Variants in AKAP6 observed in about 807,000 individuals in gnomAD.
AKAP6 encodes A-kinase anchor protein 6.
AKAP6 carries 58 observed loss-of-function variants against 188.5 expected under a neutral mutation model. That is an observed-to-expected ratio of 0.31 (90% CI 0.25 to 0.38). The LOEUF is 0.38. Ranked by LOEUF, AKAP6 falls within the 10% of genes least tolerant of loss-of-function variation. The pLI is 1.00. For missense variants in AKAP6, 2,710 were observed against 2,740.0 expected (o/e 0.99, Z 0.24); for synonymous variants, 989 against 998.6 (o/e 0.99, Z 0.18).
At chr14:32,552,723 CA>C (rs1253289984) in intron 4 of AKAP6, among the ~76,000 whole-genome samples, 7 of 151,888 alleles carry the variant, frequency 4.6e-5, no homozygotes, top group African/African-American at 1.7e-4. Flanking sequence ...AAAGTAAAGT[CA>C]AAAGTCTTTT....
chr14:32,716,975 A>G (rs1342087728), intron 9 of AKAP6, among the ~76,000 whole-genome samples: 1 of 152,106 alleles, frequency 6.6e-6, no homozygotes, highest in Non-Finnish European at 1.5e-5. Flanking sequence ...CTCTTAAAAT[A>G]CCTGTGTTAG....
chr14:32,387,199 T>G (rs1888561119), intron 1 of AKAP6, among the ~76,000 whole-genome samples: 1 of 152,002 alleles, frequency 6.6e-6, no homozygotes, highest in Admixed American at 6.6e-5. Context: ...TGGAGGAATC[T>G]TTAGGATTTT....
intron 1 of AKAP6, chr14:32,402,096 G>A (rs552075455): frequency 2.0e-4 from 31 of 152,328 alleles, no homozygotes; most frequent in African/African-American, 7.2e-4. Context: ...AGCCACCTTG[G>A]AATAAAAATA....
intron 4 of AKAP6, among the ~76,000 whole-genome samples, chr14:32,555,680 A>G (rs963797091): frequency 1.3e-5 from 2 of 152,068 alleles, no homozygotes; most frequent in African/African-American, 4.8e-5. Context: ...ATCTCCTCTA[A>G]GTGGAATCAT....
intron 1 of AKAP6, among the ~76,000 whole-genome samples, chr14:32,399,035 G>T (rs1395952409): frequency 1.3e-5 from 2 of 151,590 alleles, no homozygotes; most frequent in African/African-American, 4.9e-5. Flanking sequence ...TTGTATTTTA[G>T]TAGAGACAGG....
intron 12 of AKAP6, among the ~76,000 whole-genome samples, chr14:32,801,173 C>T (rs1029137239): frequency 1.3e-5 from 2 of 152,148 alleles, no homozygotes; most frequent in African/African-American, 4.8e-5. Flanking sequence ...ATATCTATCA[C>T]ATTAGTAACT....
intron 2 of AKAP6, among the ~76,000 whole-genome samples, chr14:32,510,462 GTATATATATATATACATA>G (rs1566546933): frequency 3.0e-5 from 2 of 67,468 alleles, no homozygotes; most frequent in African/African-American, 6.0e-5. Flanking sequence ...ATATATATGT[GTATATATATATATACATA>G]TATATATGTG....
intron 7 of AKAP6, among the ~76,000 whole-genome samples, chr14:32,651,886 G>T (rs1228907432): frequency 6.6e-6 from 1 of 151,774 alleles, no homozygotes; most frequent in Admixed American, 6.6e-5. Flanking sequence ...ATTTCCTTTT[G>T]GTCCCCTTAC....
At chr14:32,560,465 G>A (rs1253184489) in intron 4 of AKAP6, among the ~76,000 whole-genome samples, 1 of 152,166 alleles carries the variant, frequency 6.6e-6, no homozygotes, top group African/African-American at 2.4e-5. Flanking sequence ...CCACCGTGAG[G>A]CTGTATCCAG....
chr14:32,590,331 A>G (rs899234145), intron 5 of AKAP6, among the ~76,000 whole-genome samples: 1 of 151,862 alleles, frequency 6.6e-6, no homozygotes, highest in Non-Finnish European at 1.5e-5. Flanking sequence ...CATGCATGAT[A>G]GGTATTAAAA....
At chr14:32,469,523 A>ACAG (rs1380111013) in intron 2 of AKAP6, among the ~76,000 whole-genome samples, 2,418 of 152,322 alleles carry the variant, frequency 0.016, 77 homozygotes, top group African/African-American at 0.054. Flanking sequence ...AAGAAAGTGT[A>ACAG]ATAATAACTA....
intron 4 of AKAP6, among the ~76,000 whole-genome samples, chr14:32,551,642 T>TTTTGTTTGTTTG (rs71115084): frequency 2.7e-5 from 4 of 148,844 alleles, no homozygotes; most frequent in Non-Finnish European, 5.9e-5. Flanking sequence ...ATTCTGTAAT[T>TTTTGTTTGTTTG]TTTGTTTGTT....
intron 9 of AKAP6, among the ~76,000 whole-genome samples, chr14:32,703,486 C>T (rs1027078080): frequency 2.0e-5 from 3 of 152,086 alleles, no homozygotes; most frequent in Admixed American, 6.5e-5. Context: ...AACAACCTTC[C>T]GGAACAACTT....
At chr14:32,464,148 C>G (rs554653395) in intron 2 of AKAP6, among the ~76,000 whole-genome samples, 3 of 152,118 alleles carry the variant, frequency 2.0e-5, no homozygotes, top group Non-Finnish European at 4.4e-5. Flanking sequence ...GATACACAGC[C>G]GAATTCTACC....
chr14:32,696,022 T>C lies in AKAP6; in HGVS notation c.2912T>C (p.Leu971Pro), dbSNP rs1214838024. The change falls in exon 9 of 14, where the codon CTC becomes CCC. Residue 971 changes from leucine (L) to proline (P), a missense_variant. By Grantham distance (98) the Leu-to-Pro change is moderately conservative. This residue lies in a region of AKAP6 where 2,473 missense variants were observed against 2,426.1 expected (regional missense o/e 1.02). Coordinates refer to ENST00000280979, the MANE Select transcript of AKAP6 (RefSeq NM_004274.5). ...GACTTTGATTCAGAATATCAGGAGC[T>C]CTGGGATTGGCTGATTGACATGGAG... ...LLDFDSEYQE[L>P]WDWLIDMESL... 5 of 1,613,172 alleles carry C rather than the reference T, an allele frequency of 3.1e-6. No individual in the cohort carries two copies. The East Asian group carries it at 6.7e-5, about 22-fold the overall frequency.
At chr14:32,591,648 C>CT (rs71432068) in intron 5 of AKAP6, among the ~76,000 whole-genome samples, 3,225 of 131,806 alleles carry the variant, frequency 0.024, 118 homozygotes, top group African/African-American at 0.082. Flanking sequence ...AGTGTCTTCT[C>CT]TTTTTTTTTT....
chr14:32,823,358 C>T lies in AKAP6; in HGVS notation c.5545C>T (p.Leu1849=). The stretch of plus-strand genomic sequence containing the variant: ...TGATACTCTGAATATTGAGACCCTT[C>T]TAAATGGCTCTGTAAAACGTGTCTC... The part of the protein sequence containing the change: ...PSDTLNIETL[L]NGSVKRVSEN... Residue 1849 remains leucine, a synonymous_variant, in exon 13 of 14, where the codon CTA becomes TTA. Transcript: ENST00000280979. The T allele has an allele frequency of 6.2e-7, 1 of 1,613,820 alleles. No individual in the cohort carries two copies. The highest frequency in any genetic ancestry group is 8.5e-7 in the Non-Finnish European group (1 of 1,179,912).
intron 2 of AKAP6, among the ~76,000 whole-genome samples, chr14:32,513,825 A>G (rs538765802): frequency 1.5e-3 from 227 of 152,312 alleles, no homozygotes; most frequent in African/African-American, 5.2e-3. Flanking sequence ...ATACATAGCT[A>G]TACTTTTTTT....
chr14:32,384,342 T>C (rs944096120), intron 1 of AKAP6, among the ~76,000 whole-genome samples: 1 of 152,192 alleles, frequency 6.6e-6, no homozygotes, highest in Non-Finnish European at 1.5e-5. Context: ...CTGCAGAGTA[T>C]TCAGGATGAT....
Sources: gnomAD v4.1 joint callset for allele counts (sites outside exome capture counted in the v4.1 genomes callset) on GRCh38, gnomAD v4.1.1 for gene constraint, gnomAD v4.1.1 regional missense constraint, MANE v1.5 for transcripts, NCBI Gene and HGNC (gene_info 2026-07-23, HGNC 2026-07-21) for gene names.